The following FANCA variants were observed in gnomAD, a reference collection of about 807,000 sequenced individuals.
The protein encoded by FANCA is Fanconi anemia group A protein.
Under a neutral mutation model 194.3 loss-of-function variants are expected in FANCA, and 236 were observed. The ratio of observed to expected loss-of-function variants is 1.21; its 90% confidence interval spans 1.09 to 1.35. The LOEUF is 1.35. Ranked by LOEUF, FANCA falls within the 40% of genes most tolerant of loss-of-function variation. The probability of loss-of-function intolerance (pLI) is 0.00; values close to 1 mark genes in which losing one functional copy is unlikely to be tolerated. For synonymous variants in FANCA, 1,014 were observed against 715.8 expected, an observed-to-expected ratio of 1.42 and a Z score of -6.65; for missense variants, 2,628 against 1,813.9, an observed-to-expected ratio of 1.45 and a Z score of -8.15.
chr16:89,814,739 G>A lies in FANCA; in HGVS notation c.190-126C>T, dbSNP rs867919981. 2.0e-5 allele frequency: 14 copies of A among 699,506 alleles called. No homozygotes were observed. The Middle Eastern group carries it at 1.1e-3, about 54-fold the overall frequency. 43.3% of individuals were successfully genotyped at this position (699,506 alleles called of 1,614,324 possible). ...GGGCAGATCACGAGGTCAAGAGTTCGAGACCAGCCTGGCCAACATAGTGAA... is the reference window on the plus strand; with the variant it reads ...GGGCAGATCACGAGGTCAAGAGTTCAAGACCAGCCTGGCCAACATAGTGAA... On this transcript the variant is annotated intron_variant, in intron 2 of 42. Transcript: ENST00000389301.
At chr16:89,813,938 T>C (rs2041003396) in intron 3 of FANCA, among the ~76,000 whole-genome samples, 1 of 152,176 alleles carries the variant, frequency 6.6e-6, no homozygotes, top group South Asian at 2.1e-4. Context: ...CTTGGTTCCT[T>C]GGAATGATAA....
chr16:89,743,967 G>C (rs761496834), intron 36 of FANCA, among the ~76,000 whole-genome samples: 2 of 151,932 alleles, frequency 1.3e-5, no homozygotes, highest in Non-Finnish European at 2.9e-5. Flanking sequence ...GCATGATCTC[G>C]GCTCACTGCA....
chr16:89,811,063 A>C lies in FANCA; in HGVS notation c.292T>G (p.Leu98Val), dbSNP rs1284099466. 3 of 1,613,920 alleles carry C rather than the reference A, an allele frequency of 1.9e-6. No homozygotes were observed. The change falls in exon 4 of 43, where the codon TTG (leucine) becomes GTG (valine). Residue 98 changes from leucine to valine, a missense_variant. Leu to Val is a conservative substitution (Grantham distance 32). Coordinates refer to ENST00000389301, the MANE Select transcript of FANCA (RefSeq NM_000135.4). Reference sequence around the variant, plus strand: ...CCCAGCCTTGAGGCTTGATCCTGCAAAGCAGAGCCTTAAACACAAAACAAA... The same window carrying C: ...CCCAGCCTTGAGGCTTGATCCTGCACAGCAGAGCCTTAAACACAAAACAAA... ...NHSSSFIGSA[L>V]QDQASRLGVP...
intron 27 of FANCA, among the ~76,000 whole-genome samples, chr16:89,765,906 A>C (rs199518759): frequency 6.6e-6 from 1 of 152,200 alleles, no homozygotes; most frequent in Non-Finnish European, 1.5e-5. Context: ...ATTCTGACTT[A>C]ATTTATCTGG....
At chr16:89,759,769 A>G (rs1209128408) in intron 29 of FANCA, among the ~76,000 whole-genome samples, 2 of 152,178 alleles carry the variant, frequency 1.3e-5, no homozygotes, top group East Asian at 1.9e-4. Context: ...TCAAACAAAC[A>G]AACAAATCCG....
At position 89,773,308 on chromosome 16, in the gene FANCA, C is replaced by T. The variant is rs374452855; in HGVS notation, c.1977G>A (p.Glu659=). 1 of 1,551,490 alleles carries T rather than the reference C, an allele frequency of 6.4e-7. No homozygotes were observed. The highest frequency in any genetic ancestry group is 8.7e-7 in the Non-Finnish European group (1 of 1,146,968). ...PLGQLTAALG[E]LRASMTDPSQ... Reference sequence around the variant, plus strand: ...TGGGGTCTGTCATGGAGGCTCTCAGCTCTCCCAGTGCAGCTGTGAGCTGTC... The same window carrying T: ...TGGGGTCTGTCATGGAGGCTCTCAGTTCTCCCAGTGCAGCTGTGAGCTGTC... The change falls in exon 22 of 43, where the codon GAG becomes GAA. Residue 659 remains glutamate, a synonymous_variant. Transcript: ENST00000389301.
chr16:89,805,475 T>C, intron 6 of FANCA, 83 bp from the exon 7 acceptor site: 1 of 1,102,142 alleles, frequency 9.1e-7, no homozygotes. Flanking sequence ...GTCCCAATTT[T>C]TTTTTTGAGA....
chr16:89,794,185 C>T (rs1385505012), intron 11 of FANCA, among the ~76,000 whole-genome samples: 2 of 152,186 alleles, frequency 1.3e-5, no homozygotes, highest in African/African-American at 4.8e-5. Flanking sequence ...CGGTTACTTA[C>T]TTGTAATGCT....
intron 8 of FANCA, among the ~76,000 whole-genome samples, chr16:89,800,608 G>A (rs1462196077): frequency 6.6e-6 from 1 of 152,118 alleles, no homozygotes; most frequent in Non-Finnish European, 1.5e-5. Context: ...CAATCCTGAG[G>A]AAAAAGAACA....
intron 17 of FANCA, among the ~76,000 whole-genome samples, chr16:89,780,642 T>C (rs1362381228): frequency 6.7e-6 from 1 of 150,138 alleles, no homozygotes; most frequent in Non-Finnish European, 1.5e-5. Flanking sequence ...AAAAAAACAT[T>C]CTGAGGCCAG....
At chr16:89,741,873 G>A (rs892369189) in intron 37 of FANCA, among the ~76,000 whole-genome samples, 2 of 152,162 alleles carry the variant, frequency 1.3e-5, no homozygotes, top group Non-Finnish European at 2.9e-5. Context: ...CAGCATTTAC[G>A]CTGGGCTGTG....
At chr16:89,794,821 C>T (rs534569051) in intron 11 of FANCA, among the ~76,000 whole-genome samples, 1 of 152,296 alleles carries the variant, frequency 6.6e-6, no homozygotes, top group Non-Finnish European at 1.5e-5. Flanking sequence ...TAACAGGACA[C>T]CCACTGGGCA....
intron 37 of FANCA, among the ~76,000 whole-genome samples, chr16:89,742,576 A>G (rs963368285): frequency 2.0e-5 from 3 of 150,948 alleles, no homozygotes; most frequent in African/African-American, 7.3e-5. Flanking sequence ...TTGGGAGGCC[A>G]AGGCGGGAGG....
chr16:89,758,757 G>A (rs777180761), intron 29 of FANCA, 52 bp from the exon 30 acceptor site: 2 of 1,606,614 alleles, frequency 1.2e-6, no homozygotes, highest in Non-Finnish European at 8.5e-7. Flanking sequence ...GTGGCCAGCG[G>A]TTCCCCATAA....
intron 31 of FANCA, among the ~76,000 whole-genome samples, chr16:89,751,723 G>A (rs1057211029): frequency 4.6e-5 from 7 of 151,910 alleles, no homozygotes; most frequent in Admixed American, 6.6e-5. Context: ...CACCAGCCTC[G>A]GACTCCCAAA....
rs1030509993 is a variant in FANCA at position 89,738,636 on chromosome 16, CAG to C, written c.4331_4332del (p.Pro1444ArgfsTer3). The C allele has an allele frequency of 1.9e-6, 3 of 1,613,566 alleles. No individual in the cohort carries two copies. The highest frequency in any genetic ancestry group is 1.3e-5 in the African/African-American group (1 of 74,922). ...TGAGGCTCCTGGGACAGGTCAGCGTCAGGGGCAGCCTGCTGTCTGCTCTGGAG... is the reference window on the plus strand; with the variant it reads ...TGAGGCTCCTGGGACAGGTCAGCGTCGGGCAGCCTGCTGTCTGCTCTGGAG... Reference protein sequence around the residue: ...AALQSRQQAAPDADLSQEPHL... With the variant: ...AALQSRQQAAXDADLSQEPHL... On this transcript the variant is annotated frameshift_variant, in exon 43 of 43. Transcript: ENST00000389301. LOFTEE classifies it high-confidence loss of function.
At chr16:89,809,552 A>G (rs1441803723) in intron 5 of FANCA, among the ~76,000 whole-genome samples, 1 of 151,554 alleles carries the variant, frequency 6.6e-6, no homozygotes, top group East Asian at 1.9e-4. Flanking sequence ...CATCTCTACT[A>G]AAGATACAAA....
At chr16:89,780,856 G>C (rs1455241166) in intron 17 of FANCA, among the ~76,000 whole-genome samples, 1 of 151,336 alleles carries the variant, frequency 6.6e-6, no homozygotes, top group Non-Finnish European at 1.5e-5. Context: ...TTTCAACCTA[G>C]GAGTTTGAGG....
chr16:89,791,244 T>G, intron 14 of FANCA, 159 bp downstream of exon 14: 1 of 964,852 alleles, frequency 1.0e-6, no homozygotes, highest in Non-Finnish European at 1.6e-6. Flanking sequence ...CCCAGGCTCC[T>G]CGGCACACGC....
Sources: gnomAD v4.1 joint callset for allele counts (sites outside exome capture counted in the v4.1 genomes callset) on GRCh38, gnomAD v4.1.1 for gene constraint, MANE v1.5 for transcripts, NCBI Gene and HGNC (gene_info 2026-07-23, HGNC 2026-07-21) for gene names.